The following SPTB variants were observed in gnomAD, a reference collection of about 807,000 sequenced individuals.
SPTB encodes the protein spectrin beta chain, erythrocytic.
In SPTB, 45 loss-of-function variants were observed where a neutral mutation model predicts 256.2. That is an observed-to-expected ratio of 0.18 (90% CI 0.14 to 0.23). The LOEUF is 0.23. SPTB is among the 10% of genes least tolerant of loss of function. SPTB has a pLI of 1.00. For synonymous variants in SPTB, 1,231 were observed against 1,243.1 expected (o/e 0.99, Z 0.21); for missense variants, 2,715 against 3,040.4 (o/e 0.89, Z 2.52).
Position 64,758,009 on chromosome 14 carries a change from A to G in SPTB, c.6346-4216T>C, listed in dbSNP as rs1412699350. ...CTGGAGTGAGAGTCCCTGGAATTCC[A>G]TCTGGGGGAAGGGAGAGAACCTTCC... On this transcript the variant is annotated intron_variant, in intron 32 of 35. Coordinates refer to ENST00000644917, the MANE Select transcript of SPTB (RefSeq NM_001355436.2). This position sits in a 1 kb window ranked among gnomAD's most constrained non-coding sequence, Gnocchi z 4.6. Among the ~76,000 whole-genome samples the G allele has an allele frequency of 6.6e-6, 1 of 151,996 alleles. No homozygotes were observed. Among genetic ancestry groups the G allele is most frequent in the Non-Finnish European group, 1.5e-5 (1 of 67,966 alleles).
Position 64,753,606 on chromosome 14 carries a change from C to T in SPTB, c.6533G>A (p.Ser2178Asn), listed in dbSNP as rs775779339. The change falls in exon 33 of 36, where the codon AGT becomes AAT. Residue 2178 changes from serine to asparagine, a missense_variant. By Grantham distance (46) the Ser-to-Asn change is conservative. Around this residue, in one of 4 missense-constraint regions of SPTB, gnomAD observed 2,239 missense variants for 2,384.4 expected, o/e 0.94. Transcript: ENST00000644917. ...TLPAPRDHGQ[S>N]VQMEGYLGRK... Reference sequence around the variant, plus strand: ...GCCCAGGTAGCCTTCCATCTGCACACTCTGCCCATGGTCCCGCGGGGCCGG... The same window carrying T: ...GCCCAGGTAGCCTTCCATCTGCACATTCTGCCCATGGTCCCGCGGGGCCGG... 1.2e-6 allele frequency: 2 copies of T among 1,613,718 alleles called. No individual in the cohort carries two copies. Among genetic ancestry groups the T allele is most frequent in the Admixed American group, 1.7e-5 (1 of 60,034 alleles).
At chr14:64,783,445 G>A (rs2082508704) in intron 19 of SPTB, among the ~76,000 whole-genome samples, 1 of 152,100 alleles carries the variant, frequency 6.6e-6, no homozygotes, top group Non-Finnish European at 1.5e-5. Flanking sequence ...CAGGTGATCC[G>A]CCCACCTCAG....
chr14:64,846,563 TAATTC>T (rs1195738376), intron 1 of SPTB, among the ~76,000 whole-genome samples: 4 of 152,228 alleles, frequency 2.6e-5, no homozygotes. Flanking sequence ...GGCAGCTGAT[TAATTC>T]AATTAATATT....
Position 64,778,601 on chromosome 14 carries a change from G to A in SPTB, c.4563+556C>T, listed in dbSNP as rs1343120295. On this transcript the variant is annotated intron_variant, in intron 22 of 35. Transcript: ENST00000644917. The surrounding 1 kb of genome is among the most constrained non-coding windows in gnomAD (Gnocchi z 5.2). ...CAGGAGTTCCCAATCAGGGCTAAGCGAGTGCCAAAAAGCAGAGGGATGTTT... is the reference window on the plus strand; with the variant it reads ...CAGGAGTTCCCAATCAGGGCTAAGCAAGTGCCAAAAAGCAGAGGGATGTTT... Among the ~76,000 whole-genome samples the A allele has an allele frequency of 3.9e-5, 6 of 152,166 alleles. No individual in the cohort carries two copies. Among genetic ancestry groups the A allele is most frequent in the South Asian group, 2.1e-4 (1 of 4,828 alleles).
rs977062798 is a variant in SPTB at position 64,775,902 on chromosome 14, A to C, written c.4564-499T>G. ...CAGTTTTTGCCTTCCATCTAAAAGA[A>C]CAGGTGACAGCAGCCCCTTGCTTAC... On this transcript the variant is annotated intron_variant, in intron 22 of 35. Transcript: ENST00000644917. The surrounding 1 kb of genome is among the most constrained non-coding windows in gnomAD (Gnocchi z 5.0). Among the ~76,000 whole-genome samples the C allele has an allele frequency of 6.6e-6, 1 of 152,246 alleles. No homozygotes were observed. Among genetic ancestry groups the C allele is most frequent in the African/African-American group, 2.4e-5 (1 of 41,460 alleles).
rs185699237 is a variant in SPTB, at chr14:64,790,972, C to T, written c.2804+747G>A. 1.3e-5 allele frequency among the ~76,000 whole-genome samples: 2 copies of T among 152,346 alleles called. No individual in the cohort carries two copies. The highest frequency in any genetic ancestry group is 3.9e-4 in the East Asian group (2 of 5,180). On this transcript the variant is annotated intron_variant, in intron 15 of 35. Coordinates refer to ENST00000644917, the MANE Select transcript of SPTB (RefSeq NM_001355436.2). This position sits in a 1 kb window ranked among gnomAD's most constrained non-coding sequence, Gnocchi z 4.8. Reference sequence around the variant, plus strand: ...CTTCAAGCCAGCCTCATTATCGATACTGCATTTGGCAGAGGCAGGAGCATT... The same window carrying T: ...CTTCAAGCCAGCCTCATTATCGATATTGCATTTGGCAGAGGCAGGAGCATT...
chr14:64,813,529 G>A (rs1651890122), intron 2 of SPTB, among the ~76,000 whole-genome samples: 1 of 152,132 alleles, frequency 6.6e-6, no homozygotes, highest in African/African-American at 2.4e-5. Flanking sequence ...TTTTCTGTTT[G>A]TTTGTTTTTC....
At chr14:64,783,327 G>C (rs553573206) in intron 19 of SPTB, among the ~76,000 whole-genome samples, 3 of 151,946 alleles carry the variant, frequency 2.0e-5, no homozygotes, top group Non-Finnish European at 4.4e-5. Flanking sequence ...TCAGTCTCCT[G>C]AGTAGCTGGG....
At chr14:64,851,371 T>C (rs2083782843) in intron 1 of SPTB, among the ~76,000 whole-genome samples, 1 of 152,220 alleles carries the variant, frequency 6.6e-6, no homozygotes, top group African/African-American at 2.4e-5. Flanking sequence ...TATGGAGTTG[T>C]TGTGAATATT....
At chr14:64,830,363 T>C (rs2083435304) in intron 1 of SPTB, among the ~76,000 whole-genome samples, 1 of 128,636 alleles carries the variant, frequency 7.8e-6, no homozygotes, top group African/African-American at 3.6e-5. Flanking sequence ...TTATTATTAT[T>C]ATTATTATTA....
Position 64,758,488 on chromosome 14 carries a change from C to A in SPTB, c.6346-4695G>T, listed in dbSNP as rs2082048169. On this transcript the variant is annotated intron_variant, in intron 32 of 35. Transcript: ENST00000644917. This position sits in a 1 kb window ranked among gnomAD's most constrained non-coding sequence, Gnocchi z 4.6. ...GGAGTGGGGCACTGAGGTGGAGGGG[C>A]CCCAGAAGCCAAAGGCAGAGGCCCC... Among the ~76,000 whole-genome samples, 1 of 152,226 alleles carries A rather than the reference C, an allele frequency of 6.6e-6. No homozygotes were observed. Among genetic ancestry groups the A allele is most frequent in the Non-Finnish European group, 1.5e-5 (1 of 68,032 alleles).
In SPTB at chr14:64,764,487, T is replaced by C. The variant is rs2082137690; in HGVS notation, c.6345+2239A>G. ...CAGTCTTCCCATCTGCTGGAGTGGC[T>C]GGCTCTCCGGAAAGGGTCTCAAATG... On this transcript the variant is annotated intron_variant, in intron 32 of 35. Coordinates refer to ENST00000644917, the MANE Select transcript of SPTB (RefSeq NM_001355436.2). The surrounding 1 kb of genome is among the most constrained non-coding windows in gnomAD (Gnocchi z 4.2). Among the ~76,000 whole-genome samples, 1 of 152,232 alleles carries C rather than the reference T, an allele frequency of 6.6e-6. No homozygotes were observed. The highest frequency in any genetic ancestry group is 6.5e-5 in the Admixed American group (1 of 15,288).
chr14:64,786,272 T>TCC lies in SPTB; in HGVS notation c.3561+130_3561+131dup. 1.5e-6 allele frequency: 2 copies of TCC among 1,304,124 alleles called. No homozygotes were observed. The highest frequency in any genetic ancestry group is 2.2e-6 in the Non-Finnish European group (2 of 911,638). The allele number at this position is 1,304,124 out of a possible 1,614,324, so 80.8% of individuals were successfully genotyped here. A position where few individuals can be genotyped will look rare whatever the true frequency, so the allele number is the denominator to read the frequency against. ...AGGCCCCTAATGAGAAACAAAGATT[T>TCC]CCCCCATGAGTGAATACAGAGTACA... On this transcript the variant is annotated intron_variant, in intron 16 of 35. Transcript: ENST00000644917. The surrounding 1 kb of genome is among the most constrained non-coding windows in gnomAD (Gnocchi z 5.6).
Position 64,785,540 on chromosome 14 carries a change from C to A in SPTB, c.3852G>T (p.Gln1284His), listed in dbSNP as rs771997733. 6.2e-7 allele frequency: 1 copy of A among 1,612,518 alleles called. No homozygotes were observed. Among genetic ancestry groups the A allele is most frequent in the Non-Finnish European group, 8.5e-7 (1 of 1,179,512 alleles). The change falls in exon 18 of 36, where the codon CAG becomes CAT. Residue 1284 changes from glutamine (Q) to histidine (H), a missense_variant. This residue lies in a region of SPTB where 2,239 missense variants were observed against 2,384.4 expected (regional missense o/e 0.94). Transcript: ENST00000644917. The surrounding 1 kb of genome is among the most constrained non-coding windows in gnomAD (Gnocchi z 4.4). ...CCACTCCTTGCTGGAGCCTCACCTC[C>A]TGGCAGTTCTGGAGGAAGTTCTGTA... ...LELQNFLQNC[Q>H]ELTLWINDKL...
In SPTB at chr14:64,790,056, G is replaced by T. The variant is rs935944804; in HGVS notation, c.2804+1663C>A. Among the ~76,000 whole-genome samples the T allele has an allele frequency of 6.6e-6, 1 of 152,166 alleles. No individual in the cohort carries two copies. The highest frequency in any genetic ancestry group is 2.4e-5 in the African/African-American group (1 of 41,430). ...CAGAATCAATATGTACGCATTTCAAGGAGGCAGATTTCCACTCAATGGAAG... is the reference window on the plus strand; with the variant it reads ...CAGAATCAATATGTACGCATTTCAATGAGGCAGATTTCCACTCAATGGAAG... On this transcript the variant is annotated intron_variant, in intron 15 of 35. Transcript: ENST00000644917. The surrounding 1 kb of genome is among the most constrained non-coding windows in gnomAD (Gnocchi z 4.8).
rs1312193993 is a variant in SPTB, at chr14:64,795,285, AGACCCAAG to A, written c.1644+44_1644+51del. 1.3e-6 allele frequency: 2 copies of A among 1,595,476 alleles called. No individual in the cohort carries two copies. The highest frequency in any genetic ancestry group is 1.7e-6 in the Non-Finnish European group (2 of 1,175,406). ...GCCTATGCTAACTGCAGGGCCACTG[AGACCCAAG>A]GTGAGCACTGCAGGGCATGGCGGGG... On this transcript the variant is annotated intron_variant, in intron 12 of 35. Transcript: ENST00000644917. This position sits in a 1 kb window ranked among gnomAD's most constrained non-coding sequence, Gnocchi z 6.5.
chr14:64,767,611 T>C (rs2082207040), intron 30 of SPTB, 52 bp downstream of exon 30: 1 of 1,606,342 alleles, frequency 6.2e-7, no homozygotes, highest in South Asian at 1.1e-5. Flanking sequence ...ATGAGACCCC[T>C]GGGGGCACAG....
Position 64,772,842 on chromosome 14 carries a change from T to C in SPTB, c.5291A>G (p.Glu1764Gly). The C allele has an allele frequency of 6.2e-7, 1 of 1,613,658 alleles. No homozygotes were observed. Among genetic ancestry groups the C allele is most frequent in the Non-Finnish European group, 8.5e-7 (1 of 1,179,884 alleles). ...CTTCCACTCGGCGATGGTGGCCGCCTCGCTGTGGCCCGCGTCGATGAGTCG... is the reference window on the plus strand; with the variant it reads ...CTTCCACTCGGCGATGGTGGCCGCCCCGCTGTGGCCCGCGTCGATGAGTCG... ...IERLIDAGHS[E>G]AATIAEWKDG... The change falls in exon 26 of 36, where the codon GAG becomes GGG. Residue 1764 changes from glutamate to glycine, a missense_variant. This residue lies in a region of SPTB where 2,239 missense variants were observed against 2,384.4 expected (regional missense o/e 0.94). Transcript: ENST00000644917. This position sits in a 1 kb window ranked among gnomAD's most constrained non-coding sequence, Gnocchi z 5.4.
In SPTB at chr14:64,792,329, G is replaced by A. The variant is rs995206330; in HGVS notation, c.2667-473C>T. Among the ~76,000 whole-genome samples the A allele has an allele frequency of 3.3e-5, 5 of 152,174 alleles. No individual in the cohort carries two copies. Among genetic ancestry groups the A allele is most frequent in the East Asian group, 3.9e-4 (2 of 5,194 alleles). On this transcript the variant is annotated intron_variant, in intron 14 of 35. Transcript: ENST00000644917. The surrounding 1 kb of genome is among the most constrained non-coding windows in gnomAD (Gnocchi z 4.2). ...TAAGATAAGGAAAAGCTGCTGGGGC[G>A]GTGGTCGGGGGGAATTTGTGGTTCT...
Sources: allele counts gnomAD v4.1 joint callset (sites outside exome capture counted in the v4.1 genomes callset), GRCh38; gene constraint gnomAD v4.1.1; regional missense constraint gnomAD v4.1.1; non-coding constraint Gnocchi (gnomAD v3.1); transcripts MANE v1.5; gene names NCBI Gene and HGNC (gene_info 2026-07-23, HGNC 2026-07-21).